Variants in LTN1 observed in about 807,000 individuals in gnomAD.
LTN1 encodes the protein listerin E3 ubiquitin protein ligase 1.
LTN1 carries 88 observed loss-of-function variants against 201.2 expected under a neutral mutation model. The ratio of observed to expected loss-of-function variants is 0.44; its 90% CI spans 0.37 to 0.52. The LOEUF is 0.52. LTN1 is among the 20% of genes least tolerant of loss of function. LTN1 has a pLI of 0.00. For missense variants in LTN1, 1,752 were observed against 2,038.7 expected, an observed-to-expected ratio of 0.86 and a Z score of 2.71; for synonymous variants, 645 against 713.5, an observed-to-expected ratio of 0.90 and a Z score of 1.53.
intron 24 of LTN1, among the ~76,000 whole-genome samples, chr21:28,942,457 C>T (rs1244620405): frequency 6.6e-6 from 1 of 152,104 alleles, no homozygotes; most frequent in African/African-American, 2.4e-5. Context: ...TTATTATAGG[C>T]CAGGAAGCAT....
chr21:28,933,341 C>T (rs1414629342), intron 27 of LTN1, among the ~76,000 whole-genome samples: 2 of 152,162 alleles, frequency 1.3e-5, no homozygotes, highest in East Asian at 3.8e-4. Context: ...CTCATGTCTA[C>T]CCCAATAGTC....
At chr21:28,936,241 T>C (rs1480715229) in intron 26 of LTN1, among the ~76,000 whole-genome samples, 1 of 152,252 alleles carries the variant, frequency 6.6e-6, no homozygotes, top group Non-Finnish European at 1.5e-5. Context: ...TCCCCTGATT[T>C]ATATGCCTAT....
intron 8 of LTN1, 142 bp downstream of exon 8, chr21:28,970,410 A>C: frequency 1.5e-6 from 1 of 645,984 alleles, no homozygotes; most frequent in South Asian, 2.0e-5. Context: ...CAAGAAAAAA[A>C]TATCAATTGT....
Position 28,953,340 on chromosome 21 carries a change from T to A in LTN1, c.3116A>T (p.Glu1039Val). Residue 1039 changes from glutamate (E) to valine (V), a missense_variant, in exon 17 of 30, where the codon GAA becomes GTA. Around this residue, in one of 3 missense-constraint regions of LTN1, gnomAD observed 1,211 missense variants for 1,312.8 expected, o/e 0.92. Coordinates refer to ENST00000361371, the MANE Select transcript of LTN1 (RefSeq NM_015565.3). Reference sequence around the variant, plus strand: ...TAGAAAAATAGGTGGGTTATCTAATTCTTCACACCACTGCAGTGAATAAAG... The same window carrying A: ...TAGAAAAATAGGTGGGTTATCTAATACTTCACACCACTGCAGTGAATAAAG... ...ELLYSLQWCE[E>V]LDNPPIFLIG... 1 of 1,604,580 alleles carries A rather than the reference T, an allele frequency of 6.2e-7. No homozygotes were observed. Among genetic ancestry groups the A allele is most frequent in the Non-Finnish European group, 8.5e-7 (1 of 1,177,718 alleles).
Position 28,966,662 on chromosome 21 carries a change from G to A in LTN1, c.1829C>T (p.Ser610Leu), listed in dbSNP as rs747264702. The change falls in exon 10 of 30, where the codon TCA becomes TTA. Residue 610 changes from serine to leucine, a missense_variant. Ser to Leu is a moderately radical substitution (Grantham distance 145). Transcript: ENST00000361371. ...ISINYVNERK[S>L]EQHLRFLSTL... ...AGAAAGAAACCTTAGATGTTGCTCT[G>A]ACTTTCGTTCATTGACATAATTAAT... 1 of 1,613,934 alleles carries A rather than the reference G, an allele frequency of 6.2e-7. No individual in the cohort carries two copies. The highest frequency in any genetic ancestry group is 1.1e-5 in the South Asian group (1 of 91,028).
At chr21:28,971,487 C>T (rs781058701) in intron 6 of LTN1, 43 bp from the exon 7 acceptor site, 1 of 1,570,552 alleles carries the variant, frequency 6.4e-7, no homozygotes, top group South Asian at 1.1e-5. Context: ...CCTAGTAAAA[C>T]TTGATAAGAT....
At chr21:28,956,243 A>G (rs1269528287) in intron 16 of LTN1, among the ~76,000 whole-genome samples, 3 of 152,212 alleles carry the variant, frequency 2.0e-5, no homozygotes, top group Non-Finnish European at 4.4e-5. Context: ...AATGATTTAT[A>G]TTGCAAAATA....
At chr21:28,972,678 A>T (rs748666997) in intron 6 of LTN1, among the ~76,000 whole-genome samples, 40 of 152,224 alleles carry the variant, frequency 2.6e-4, no homozygotes, top group Non-Finnish European at 5.0e-4. Context: ...TAACAGACAT[A>T]GGGGATAAAG....
intron 24 of LTN1, among the ~76,000 whole-genome samples, chr21:28,942,867 GCTACAGTATC>G (rs981748377): frequency 6.6e-6 from 1 of 151,878 alleles, no homozygotes; most frequent in Non-Finnish European, 1.5e-5. Flanking sequence ...TTTCCATAAC[GCTACAGTATC>G]ATCTGTATCA....
rs578201752 is a variant in LTN1, at chr21:28,929,282, A to G, written c.*1166T>C. 1 of 152,724 alleles carries G rather than the reference A, an allele frequency of 6.5e-6. No individual in the cohort carries two copies. Among genetic ancestry groups the G allele is most frequent in the East Asian group, 1.9e-4 (1 of 5,192 alleles). The allele number at this position is 152,724 out of a possible 1,614,324, so 9.5% of individuals were successfully genotyped here. A position where few individuals can be genotyped will look rare whatever the true frequency, so the allele number is the denominator to read the frequency against. On this transcript the variant is annotated 3_prime_UTR_variant, in exon 30 of 30. Coordinates refer to ENST00000361371, the MANE Select transcript of LTN1 (RefSeq NM_015565.3). The stretch of plus-strand genomic sequence containing the variant: ...TTAGCTGGTCTCTCAAGTAACCTAG[A>G]TATTAGATATGCTATTTCCATGTAA...
chr21:28,933,771 G>A (rs562933736), intron 27 of LTN1, among the ~76,000 whole-genome samples: 1 of 151,510 alleles, frequency 6.6e-6, no homozygotes, highest in East Asian at 1.9e-4. Context: ...CCGCCTCCCG[G>A]GTTCAAAAAA....
At chr21:28,948,644 T>C (rs560336228) in intron 18 of LTN1, among the ~76,000 whole-genome samples, 1 of 152,304 alleles carries the variant, frequency 6.6e-6, no homozygotes, top group African/African-American at 2.4e-5. Context: ...AAACATATTG[T>C]TCTATCATTT....
At chr21:28,960,422 T>G (rs2084466882) in intron 12 of LTN1, 95 bp downstream of exon 12, 1 of 956,114 alleles carries the variant, frequency 1.0e-6, no homozygotes, top group Non-Finnish European at 1.5e-6. Context: ...CCTGTTATTT[T>G]TAACCAATAA....
chr21:28,953,243 C>T lies in LTN1; in HGVS notation c.3213G>A (p.Ser1071=), dbSNP rs745718495. The T allele has an allele frequency of 2.5e-5, 40 of 1,578,650 alleles. No individual in the cohort carries two copies. The highest frequency in any genetic ancestry group is 9.4e-5 in the South Asian group (8 of 84,988). The change falls in exon 17 of 30, where the codon TCG becomes TCA. Residue 1071 remains serine, a synonymous_variant. Coordinates refer to ENST00000361371, the MANE Select transcript of LTN1 (RefSeq NM_015565.3). ...TGTTAAATAACAGCTGCAAAAGGCCCGACGTATTACCAAGTACACGTAAGT... is the reference window on the plus strand; with the variant it reads ...TGTTAAATAACAGCTGCAAAAGGCCTGACGTATTACCAAGTACACGTAAGT... ...YDNLRVLGNT[S]GLLQLLFNRS...
At chr21:28,964,678 A>T in intron 11 of LTN1, 7 of 1,550,524 alleles carry the variant, frequency 4.5e-6, no homozygotes, top group Non-Finnish European at 6.1e-6. Context: ...CAGGCAGCAA[A>T]CACTGGCTAG....
At chr21:28,964,639 G>A in intron 11 of LTN1, 3 of 1,550,314 alleles carry the variant, frequency 1.9e-6, no homozygotes, top group Non-Finnish European at 2.6e-6. Flanking sequence ...GCTGTAAGGA[G>A]ATGAGGAGGC....
At chr21:28,942,341 C>A (rs1015428450) in intron 24 of LTN1, among the ~76,000 whole-genome samples, 40 of 152,140 alleles carry the variant, frequency 2.6e-4, no homozygotes, top group African/African-American at 9.4e-4. Context: ...CTGCTTGCTT[C>A]TTTTTACAAT....
chr21:28,983,013 T>A (rs1568858031), intron 4 of LTN1, among the ~76,000 whole-genome samples: 1 of 152,202 alleles, frequency 6.6e-6, no homozygotes, highest in Non-Finnish European at 1.5e-5. Context: ...GTCACACACC[T>A]AGTTGCTAGC....
At chr21:28,973,155 G>A (rs2255209) in intron 6 of LTN1, among the ~76,000 whole-genome samples, 2 of 151,876 alleles carry the variant, frequency 1.3e-5, no homozygotes, top group African/African-American at 4.8e-5. Flanking sequence ...CAAGACTGGG[G>A]TGGCCAACAT....
Sources: gnomAD v4.1 joint callset for allele counts (sites outside exome capture counted in the v4.1 genomes callset) on GRCh38, gnomAD v4.1.1 for gene constraint, gnomAD v4.1.1 regional missense constraint, MANE v1.5 for transcripts, NCBI Gene and HGNC (gene_info 2026-07-23, HGNC 2026-07-21) for gene names.